Variants in TRPC7 observed in about 807,000 individuals in gnomAD.
The protein encoded by TRPC7 is transient receptor potential cation channel subfamily C member 7.
A neutral mutation model predicts 90.1 loss-of-function variants in TRPC7; 42 were observed. That is an observed-to-expected ratio of 0.47 (90% confidence interval 0.36 to 0.60). TRPC7 has a LOEUF of 0.60. Among genes scored for constraint, TRPC7 ranks in the 20% least tolerant of loss-of-function variants. The pLI is 0.00. For missense variants in TRPC7, 955 were observed against 1,112.3 expected (o/e 0.86, Z 2.01); for synonymous variants, 451 against 436.3 (o/e 1.03, Z -0.42).
intron 3 of TRPC7, among the ~76,000 whole-genome samples, chr5:136,307,662 T>C (rs942481037): frequency 6.6e-6 from 1 of 152,202 alleles, no homozygotes; most frequent in Non-Finnish European, 1.5e-5. Flanking sequence ...GAGACGTTTT[T>C]GGTTAACGCA....
At chr5:136,350,948 T>C (rs1279215130) in intron 2 of TRPC7, among the ~76,000 whole-genome samples, 1 of 152,204 alleles carries the variant, frequency 6.6e-6, no homozygotes, top group Non-Finnish European at 1.5e-5. Flanking sequence ...ATGACCTTCC[T>C]CCCTACCAAA....
Position 136,225,338 on chromosome 5 carries a change from G to C in TRPC7, c.2279C>G (p.Ala760Gly), listed in dbSNP as rs199611331. The C allele has an allele frequency of 6.2e-7, 1 of 1,612,798 alleles. No individual in the cohort carries two copies. The highest frequency in any genetic ancestry group is 2.2e-5 in the East Asian group (1 of 44,852). The change falls in exon 10 of 12, where the codon GCT (alanine) becomes GGT (glycine). Residue 760 changes from alanine (A) to glycine (G), a missense_variant. Ala to Gly is a moderately conservative substitution (Grantham distance 60, BLOSUM62 0). Transcript: ENST00000513104. ...NSKFKKTRYQ[A>G]GMRNSENLTA... ...CAGATTTTCAGAATTCCTCATGCCAGCCTGGTAGCGAGTCTTCTGGATAAA... is the reference window on the plus strand; with the variant it reads ...CAGATTTTCAGAATTCCTCATGCCACCCTGGTAGCGAGTCTTCTGGATAAA...
intron 2 of TRPC7, among the ~76,000 whole-genome samples, chr5:136,321,566 A>T (rs1221645936): frequency 6.6e-6 from 1 of 152,242 alleles, no homozygotes; most frequent in Non-Finnish European, 1.5e-5. Context: ...AATAACACAA[A>T]TAACAAGATA....
At chr5:136,307,933 CTG>C (rs1325508674) in intron 3 of TRPC7, among the ~76,000 whole-genome samples, 7 of 152,160 alleles carry the variant, frequency 4.6e-5, no homozygotes, top group Admixed American at 4.6e-4. Flanking sequence ...TTATTAGACA[CTG>C]TAATTTGTTT....
At position 136,356,659 on chromosome 5, in the gene TRPC7, C is replaced by A. The variant is rs1368514053; in HGVS notation, c.729G>T (p.Leu243=). 2 of 1,575,794 alleles carry A rather than the reference C, an allele frequency of 1.3e-6. No individual in the cohort carries two copies. Among genetic ancestry groups the A allele is most frequent in the East Asian group, 4.5e-5 (2 of 44,384 alleles). ...GTCTGGCTAACTCGTTGCTGAGCTCCAGGGCGGTGAGGACAGGGTCTTCGC... is the reference window on the plus strand; with the variant it reads ...GTCTGGCTAACTCGTTGCTGAGCTCAAGGGCGGTGAGGACAGGGTCTTCGC... The part of the protein sequence containing the change: ...LSSEDPVLTA[L]ELSNELARLA... Residue 243 remains leucine, a synonymous_variant, in exon 2 of 12, where the codon CTG becomes CTT. Transcript: ENST00000513104.
At chr5:136,225,514 G>A (rs1363762216) in intron 9 of TRPC7, among the ~76,000 whole-genome samples, 160 bp from the exon 10 acceptor site, 1 of 149,008 alleles carries the variant, frequency 6.7e-6, no homozygotes, top group Non-Finnish European at 1.5e-5. Flanking sequence ...CTAGAACATT[G>A]TTCCTAGGAC....
intron 1 of TRPC7, among the ~76,000 whole-genome samples, chr5:136,363,653 T>C (rs932933576): frequency 3.9e-5 from 6 of 152,174 alleles, no homozygotes; most frequent in African/African-American, 1.2e-4. Context: ...TTCCATTGCA[T>C]CTTGGAATAA....
At chr5:136,310,414 C>T (rs913240528) in intron 3 of TRPC7, among the ~76,000 whole-genome samples, 1 of 152,186 alleles carries the variant, frequency 6.6e-6, no homozygotes, top group Non-Finnish European at 1.5e-5. Flanking sequence ...CCACCCTCTG[C>T]ACTTTGTTCC....
At chr5:136,358,065 G>A (rs537711674) in intron 1 of TRPC7, among the ~76,000 whole-genome samples, 25 of 152,276 alleles carry the variant, frequency 1.6e-4, no homozygotes, top group African/African-American at 5.8e-4. Flanking sequence ...TACATTCTGT[G>A]CTGTTCTTTA....
At chr5:136,230,183 T>C (rs138409574) in intron 8 of TRPC7, among the ~76,000 whole-genome samples, 176 of 152,382 alleles carry the variant, frequency 1.2e-3, no homozygotes, top group African/African-American at 4.1e-3. Context: ...ATTGGATCTA[T>C]TCCCAGAATT....
chr5:136,238,946 C>A (rs1756074987), intron 7 of TRPC7, among the ~76,000 whole-genome samples: 1 of 152,050 alleles, frequency 6.6e-6, no homozygotes, highest in South Asian at 2.1e-4. Context: ...AAGAAAAAGA[C>A]CTTATATTAG....
At chr5:136,347,485 C>T (rs1226822853) in intron 2 of TRPC7, among the ~76,000 whole-genome samples, 2 of 152,082 alleles carry the variant, frequency 1.3e-5, no homozygotes, top group African/African-American at 4.8e-5. Context: ...TTTTCCTGTA[C>T]CTTAATGAAA....
chr5:136,323,005 C>T (rs558916150), intron 2 of TRPC7, among the ~76,000 whole-genome samples: 36 of 152,292 alleles, frequency 2.4e-4, no homozygotes, highest in Admixed American at 1.0e-3. Context: ...TTGGCTGTGT[C>T]CCCACCCAAA....
intron 8 of TRPC7, among the ~76,000 whole-genome samples, chr5:136,229,740 C>G (rs1755757243): frequency 6.6e-6 from 1 of 152,282 alleles, no homozygotes; most frequent in African/African-American, 2.4e-5. Context: ...AAAGCCCTAG[C>G]AAGTTAATAC....
chr5:136,355,520 C>A (rs1260800802), intron 2 of TRPC7, among the ~76,000 whole-genome samples: 1 of 152,168 alleles, frequency 6.6e-6, no homozygotes, highest in African/African-American at 2.4e-5. Flanking sequence ...TGCTCTTGGC[C>A]AGGTGTGGTG....
intron 2 of TRPC7, among the ~76,000 whole-genome samples, chr5:136,353,453 C>A (rs1344119371): frequency 1.3e-5 from 2 of 152,112 alleles, no homozygotes; most frequent in Admixed American, 1.3e-4. Context: ...AGGTCATCTC[C>A]ATAATATGTG....
chr5:136,241,696 C>T (rs1756170965), intron 7 of TRPC7, among the ~76,000 whole-genome samples: 1 of 152,124 alleles, frequency 6.6e-6, no homozygotes, highest in African/African-American at 2.4e-5. Context: ...TCTGGGAAAA[C>T]AGGTGCGAGC....
In TRPC7 at chr5:136,268,512, G is replaced by A. The variant is rs115111115; in HGVS notation, c.1129-2076C>T. 1.3e-3 allele frequency among the ~76,000 whole-genome samples: 204 copies of A among 152,262 alleles called. 2 individuals are homozygous for A. The highest frequency in any genetic ancestry group is 4.8e-3 in the African/African-American group (199 of 41,552). On this transcript the variant is annotated intron_variant, in intron 4 of 11. Coordinates refer to ENST00000513104, the MANE Select transcript of TRPC7 (RefSeq NM_020389.3). ...TCAGTGATAATCTGGATGAGGATAT[G>A]GGGTATACCTCTCCAACTTCTCACC...
chr5:136,332,920 A>G (rs1164673674), intron 2 of TRPC7, among the ~76,000 whole-genome samples: 2 of 152,206 alleles, frequency 1.3e-5, no homozygotes, highest in African/African-American at 4.8e-5. Flanking sequence ...AGGTATTAAG[A>G]GGCCTGCATC....
Sources: allele counts gnomAD v4.1 joint callset (sites outside exome capture counted in the v4.1 genomes callset), GRCh38; gene constraint gnomAD v4.1.1; transcripts MANE v1.5; gene names NCBI Gene and HGNC (gene_info 2026-07-23, HGNC 2026-07-21).